BIRC6: variants seen among roughly 807,000 people sequenced by gnomAD.
The protein encoded by BIRC6 is dual E2 ubiquitin-conjugating enzyme/E3 ubiquitin-protein ligase BIRC6.
In BIRC6, 98 loss-of-function variants were observed where a neutral mutation model predicts 503.3. The observed-to-expected ratio is 0.19, with a 90% CI of 0.17 to 0.23. The LOEUF (loss-of-function observed/expected upper bound fraction) is 0.23. Among genes scored for constraint, BIRC6 ranks in the 10% least tolerant of loss-of-function variants. The pLI, the probability that BIRC6 is intolerant of heterozygous loss-of-function variation, is 1.00. For missense variants in BIRC6, 5,360 were observed against 5,806.0 expected, an observed-to-expected ratio of 0.92 and a Z score of 2.50; for synonymous variants, 2,240 against 2,078.7, an observed-to-expected ratio of 1.08 and a Z score of -2.11.
intron 19 of BIRC6, 117 bp downstream of exon 19, chr2:32,442,572 T>C: frequency 8.4e-7 from 1 of 1,190,762 alleles, no homozygotes; most frequent in South Asian, 2.2e-5. Context: ...TTTAAGAGAA[T>C]TTCAAAAGTT....
At position 32,509,731 on chromosome 2, in the gene BIRC6, T is replaced by A. The variant is rs1195776886; in HGVS notation, c.9981-7T>A. 3 of 1,613,472 alleles carry A rather than the reference T, an allele frequency of 1.9e-6. No individual in the cohort carries two copies. The highest frequency in any genetic ancestry group is 2.5e-6 in the Non-Finnish European group (3 of 1,179,794). The stretch of plus-strand genomic sequence containing the variant: ...TATTGATCATACAAGTCATTTTGTA[T>A]TTTCAGTATTGGATGGTTACGGTTA... On this transcript the variant is annotated splice_polypyrimidine_tract_variant and splice_region_variant and intron_variant, in intron 51 of 73. Transcript: ENST00000421745.
chr2:32,601,484 G>A (rs1327568351), intron 70 of BIRC6, among the ~76,000 whole-genome samples: 3 of 152,336 alleles, frequency 2.0e-5, no homozygotes, highest in Non-Finnish European at 4.4e-5. Context: ...GGGAGGCTGA[G>A]GCAGGAGAAG....
Position 32,478,833 on chromosome 2 carries a change from T to C in BIRC6, c.7252+15T>C, listed in dbSNP as rs2050054580. On this transcript the variant is annotated intron_variant, in intron 36 of 73. Coordinates refer to ENST00000421745, the MANE Select transcript of BIRC6 (RefSeq NM_016252.4). Reference sequence around the variant, plus strand: ...TATTTTAGCAGGTGTGTTAGGATTTTTCTTCATAGAGTATGTCAAAATTAC... The same window carrying C: ...TATTTTAGCAGGTGTGTTAGGATTTCTCTTCATAGAGTATGTCAAAATTAC... The C allele has an allele frequency of 6.2e-7, 1 of 1,610,292 alleles. No homozygotes were observed. Among genetic ancestry groups the C allele is most frequent in the South Asian group, 1.1e-5 (1 of 90,258 alleles).
intron 12 of BIRC6, 71 bp downstream of exon 12, chr2:32,431,161 C>A: frequency 2.1e-6 from 1 of 476,698 alleles, no homozygotes; most frequent in Non-Finnish European, 4.0e-6. Context: ...CGTAGAATTC[C>A]TAGGTATATT....
intron 65 of BIRC6, among the ~76,000 whole-genome samples, chr2:32,553,824 G>A (rs573016391): frequency 9.2e-5 from 14 of 152,280 alleles, no homozygotes; most frequent in African/African-American, 3.1e-4. Context: ...AAAATAGTAA[G>A]TTTGATGCTT....
intron 66 of BIRC6, chr2:32,591,030 C>T (rs1040799989): frequency 2.1e-6 from 2 of 947,540 alleles, no homozygotes; most frequent in African/African-American, 3.5e-5. Context: ...CAGTAACCTG[C>T]AACTTTTATA....
chr2:32,589,080 C>G (rs955846163), intron 66 of BIRC6, among the ~76,000 whole-genome samples: 1 of 152,042 alleles, frequency 6.6e-6, no homozygotes, highest in African/African-American at 2.4e-5. Flanking sequence ...TTCTGCTGTA[C>G]TCCAATAAGC....
At chr2:32,495,790 GTTTTTTTTT>G (rs11464835) in intron 45 of BIRC6, among the ~76,000 whole-genome samples, 1 of 84,812 alleles carries the variant, frequency 1.2e-5, no homozygotes, top group African/African-American at 4.8e-5. Flanking sequence ...TCAGGATGAA[GTTTTTTTTT>G]TTTTTTTTTT....
At chr2:32,373,145 ACAATTTGCAGACTCATTG>A (rs1295780360) in intron 1 of BIRC6, among the ~76,000 whole-genome samples, 2 of 152,276 alleles carry the variant, frequency 1.3e-5, no homozygotes, top group East Asian at 1.9e-4. Flanking sequence ...ACTGCCCCAA[ACAATTTGCAGACTCATTG>A]CAATTTGCAG....
chr2:32,581,765 A>G (rs1573173483), intron 66 of BIRC6, among the ~76,000 whole-genome samples: 1 of 152,392 alleles, frequency 6.6e-6, no homozygotes, highest in East Asian at 1.9e-4. Flanking sequence ...GGAAAAATAA[A>G]TGCATGTCCA....
chr2:32,545,927 GT>G (rs1054113910), intron 63 of BIRC6, 67 bp downstream of exon 63: 1 of 1,401,944 alleles, frequency 7.1e-7, no homozygotes, highest in Non-Finnish European at 9.8e-7. Flanking sequence ...ACAGAATAAA[GT>G]TTTTTTCTGA....
At chr2:32,377,454 T>C in intron 1 of BIRC6, 134 bp from the exon 2 acceptor site, 5 of 570,842 alleles carry the variant, frequency 8.8e-6, no homozygotes, top group Non-Finnish European at 1.4e-5. Context: ...CCAATAATGT[T>C]CTTTAGAGAA....
At position 32,468,531 on chromosome 2, in the gene BIRC6, A is replaced by T. The variant is rs1309714538; in HGVS notation, c.5875A>T (p.Lys1959Ter). Residue 1959 changes from lysine (K) to a stop codon, truncating the protein, a stop_gained, in exon 29 of 74, where the codon AAA becomes TAA. Transcript: ENST00000421745. LOFTEE classifies it high-confidence loss of function. ...SANNAQYFLR[K>*]PDKAVEEDSR... ...TAACAATGCACAGTACTTTTTACGA[A>T]AACCAGATAAGGCAGTTGAGGAAGA... The T allele has an allele frequency of 6.2e-7, 1 of 1,613,912 alleles. No homozygotes were observed. Among genetic ancestry groups the T allele is most frequent in the Non-Finnish European group, 8.5e-7 (1 of 1,179,882 alleles).
chr2:32,439,821 G>C, intron 16 of BIRC6, 135 bp downstream of exon 16: 1 of 688,376 alleles, frequency 1.5e-6, no homozygotes, highest in South Asian at 2.7e-5. Flanking sequence ...TTTGTCTTTG[G>C]AGTGACTTAA....
At chr2:32,436,288 T>A in intron 15 of BIRC6, 104 bp downstream of exon 15, 1 of 1,086,254 alleles carries the variant, frequency 9.2e-7, no homozygotes, top group South Asian at 3.6e-5. Flanking sequence ...TCTTTGGGAC[T>A]TTCGTTCGAA....
intron 45 of BIRC6, among the ~76,000 whole-genome samples, chr2:32,498,187 G>T (rs979440487): frequency 1.2e-4 from 18 of 152,142 alleles, no homozygotes; most frequent in African/African-American, 4.1e-4. Context: ...TTAACTTGCC[G>T]AATAGCTGGG....
intron 65 of BIRC6, among the ~76,000 whole-genome samples, chr2:32,558,210 A>T (rs1470676245): frequency 1.3e-5 from 2 of 152,210 alleles, no homozygotes; most frequent in Non-Finnish European, 2.9e-5. Context: ...TATAATGAAA[A>T]TGTAGAAGTT....
intron 35 of BIRC6, 59 bp downstream of exon 35, chr2:32,477,642 T>A: frequency 1.5e-6 from 2 of 1,350,880 alleles, no homozygotes; most frequent in Non-Finnish European, 2.1e-6. Context: ...CTCATGCCTG[T>A]AATCCCAGCA....
At chr2:32,478,111 G>A (rs1022417371) in intron 35 of BIRC6, among the ~76,000 whole-genome samples, 3 of 151,804 alleles carry the variant, frequency 2.0e-5, no homozygotes, top group Non-Finnish European at 4.4e-5. Context: ...GAGGCGGAGG[G>A]GCGGATCACA....
Sources: gnomAD v4.1 joint callset for allele counts (sites outside exome capture counted in the v4.1 genomes callset) on GRCh38, gnomAD v4.1.1 for gene constraint, MANE v1.5 for transcripts, NCBI Gene and HGNC (gene_info 2026-07-23, HGNC 2026-07-21) for gene names.